Variants in GRIN3A observed in about 807,000 individuals in gnomAD.
GRIN3A encodes glutamate receptor ionotropic, NMDA 3A.
Under a neutral mutation model 92.4 loss-of-function variants are expected in GRIN3A, and 47 were observed. The ratio of observed to expected loss-of-function variants is 0.51; its 90% confidence interval spans 0.40 to 0.65. The LOEUF is 0.65. GRIN3A is among the 30% of genes least tolerant of loss of function. GRIN3A has a pLI of 0.00. For synonymous variants in GRIN3A, 527 were observed against 540.6 expected (o/e 0.97, Z 0.35); for missense variants, 1,324 against 1,393.1 (o/e 0.95, Z 0.79).
In GRIN3A at chr9:101,737,816, A is replaced by G. The variant is rs1830237209; in HGVS notation, c.164T>C (p.Leu55Ser). The change falls in exon 1 of 9, where the codon TTG (leucine) becomes TCG (serine). Residue 55 changes from leucine (L) to serine (S), a missense_variant. Transcript: ENST00000361820. ...GHAVRVGAVH[L>S]QPWTTAPRAA... ...GCGGGGGGCGGTGGTCCAGGGCTGC[A>G]AGTGCACCGCGCCCACCCTCACCGC... 6.5e-7 allele frequency: 1 copy of G among 1,532,050 alleles called. No individual in the cohort carries two copies. Among genetic ancestry groups the G allele is most frequent in the Admixed American group, 2.0e-5 (1 of 50,876 alleles). The allele number at this position is 1,532,050 out of a possible 1,614,324, so 94.9% of individuals were successfully genotyped here. A position where few individuals can be genotyped will look rare whatever the true frequency, so the allele number is the denominator to read the frequency against.
intron 1 of GRIN3A, among the ~76,000 whole-genome samples, chr9:101,724,148 G>C (rs1029894105): frequency 2.0e-4 from 30 of 151,760 alleles, no homozygotes; most frequent in African/African-American, 6.8e-4. Flanking sequence ...GATGGGACTG[G>C]GCGCCATGGA....
At chr9:101,711,207 G>A (rs1284909593) in intron 1 of GRIN3A, among the ~76,000 whole-genome samples, 1 of 152,144 alleles carries the variant, frequency 6.6e-6, no homozygotes, top group Non-Finnish European at 1.5e-5. Flanking sequence ...AGGACCATCT[G>A]CTTTGGGAGA....
intron 1 of GRIN3A, among the ~76,000 whole-genome samples, chr9:101,732,371 G>A (rs1830149632): frequency 6.6e-6 from 1 of 152,192 alleles, no homozygotes; most frequent in South Asian, 2.1e-4. Flanking sequence ...TATGAGCAAT[G>A]TGAAGGACCA....
chr9:101,606,436 A>G (rs1015813758), intron 6 of GRIN3A, among the ~76,000 whole-genome samples: 7 of 152,094 alleles, frequency 4.6e-5, no homozygotes, highest in Admixed American at 6.5e-5. Context: ...CCCCTGGTCA[A>G]ATGGCCAAGG....
chr9:101,595,407 T>C (rs1464849431), intron 6 of GRIN3A, among the ~76,000 whole-genome samples: 1 of 151,980 alleles, frequency 6.6e-6, no homozygotes, highest in African/African-American at 2.4e-5. Flanking sequence ...AGCACAGTGC[T>C]TCACAGGCAA....
rs755960662 is a variant in GRIN3A at position 101,579,378 on chromosome 9, A to G, written c.2767-18T>C. ...TGCAAAGTCTGTGACAGAATAGGAA[A>G]GAAAAGGCCATGAATACAATGATAT... On this transcript the variant is annotated intron_variant, in intron 6 of 8. Transcript: ENST00000361820. 6.2e-7 allele frequency: 1 copy of G among 1,613,502 alleles called. No homozygotes were observed. The highest frequency in any genetic ancestry group is 8.5e-7 in the Non-Finnish European group (1 of 1,179,542).
intron 6 of GRIN3A, among the ~76,000 whole-genome samples, chr9:101,596,194 C>T (rs60708287): frequency 0.048 from 7,292 of 152,242 alleles, 570 homozygotes; most frequent in African/African-American, 0.17. Context: ...CATGCTGGAA[C>T]TAGCAAAACT....
chr9:101,688,100 A>C (rs976593853), intron 1 of GRIN3A, among the ~76,000 whole-genome samples: 1 of 152,232 alleles, frequency 6.6e-6, no homozygotes, highest in African/African-American at 2.4e-5. Context: ...GGAATTAACT[A>C]TGTTTATTAT....
At chr9:101,668,007 GT>G (rs1829264471) in intron 3 of GRIN3A, among the ~76,000 whole-genome samples, 1 of 152,008 alleles carries the variant, frequency 6.6e-6, no homozygotes, top group Non-Finnish European at 1.5e-5. Flanking sequence ...ATTTAGGTTT[GT>G]CCCATTTCAT....
At chr9:101,650,015 C>T (rs2118914429) in intron 3 of GRIN3A, among the ~76,000 whole-genome samples, 1 of 152,154 alleles carries the variant, frequency 6.6e-6, no homozygotes, top group African/African-American at 2.4e-5. Flanking sequence ...AAATATGTGG[C>T]TAGCTGATGT....
Position 101,572,833 on chromosome 9 carries a change from G to T in GRIN3A, c.*341C>A, listed in dbSNP as rs905975181. On this transcript the variant is annotated 3_prime_UTR_variant, in exon 9 of 9. Coordinates refer to ENST00000361820, the MANE Select transcript of GRIN3A (RefSeq NM_133445.3). ...GTGAGTAACAATTTTATCTCTTGTT[G>T]GTAGTGCAGAGAAAGGGCTAAAAAC... 1.6e-5 allele frequency: 5 copies of T among 314,760 alleles called. No homozygotes were observed. The highest frequency in any genetic ancestry group is 3.1e-5 in the Non-Finnish European group (5 of 162,232). The allele number at this position is 314,760 out of a possible 1,614,324, so 19.5% of individuals were successfully genotyped here.
At chr9:101,697,285 A>G (rs1829696786) in intron 1 of GRIN3A, among the ~76,000 whole-genome samples, 1 of 152,210 alleles carries the variant, frequency 6.6e-6, no homozygotes, top group African/African-American at 2.4e-5. Context: ...ATACATCAGT[A>G]TAGTTAACTC....
At chr9:101,697,509 C>A (rs557568470) in intron 1 of GRIN3A, among the ~76,000 whole-genome samples, 98 of 152,148 alleles carry the variant, frequency 6.4e-4, no homozygotes, top group Middle Eastern at 3.4e-3. Context: ...AGCATTGTTA[C>A]GGAATAAGAA....
chr9:101,677,353 T>C (rs972253031), intron 2 of GRIN3A, among the ~76,000 whole-genome samples: 2 of 152,052 alleles, frequency 1.3e-5, no homozygotes, highest in African/African-American at 4.8e-5. Context: ...CTCTTTATTT[T>C]ATTTTATTTT....
At chr9:101,682,849 G>A (rs556291135) in intron 2 of GRIN3A, among the ~76,000 whole-genome samples, 1 of 152,296 alleles carries the variant, frequency 6.6e-6, no homozygotes, top group African/African-American at 2.4e-5. Context: ...AGGCGTGGTG[G>A]CGGGCGCCTG....
intron 1 of GRIN3A, among the ~76,000 whole-genome samples, chr9:101,737,038 C>T (rs933768718): frequency 6.6e-6 from 1 of 152,146 alleles, no homozygotes; most frequent in Non-Finnish European, 1.5e-5. Context: ...CTCCCCACTT[C>T]TTTCCTTCCA....
intron 4 of GRIN3A, among the ~76,000 whole-genome samples, chr9:101,625,076 A>G (rs528798781): frequency 2.2e-4 from 33 of 152,280 alleles, no homozygotes; most frequent in African/African-American, 7.7e-4. Flanking sequence ...CTCCCCAGTT[A>G]AAGTGTAAGT....
chr9:101,638,379 C>A (rs575170806), intron 3 of GRIN3A, among the ~76,000 whole-genome samples: 1 of 152,316 alleles, frequency 6.6e-6, no homozygotes, highest in African/African-American at 2.4e-5. Flanking sequence ...TCTTCTATGA[C>A]CCTGGCCTCC....
intron 1 of GRIN3A, among the ~76,000 whole-genome samples, chr9:101,726,764 T>G (rs1309493705): frequency 6.6e-6 from 1 of 151,570 alleles, no homozygotes; most frequent in Non-Finnish European, 1.5e-5. Context: ...TTTAAAAAGT[T>G]TTTTATTTTT....
Sources: gnomAD v4.1 joint callset for allele counts (sites outside exome capture counted in the v4.1 genomes callset) on GRCh38, gnomAD v4.1.1 for gene constraint, MANE v1.5 for transcripts, NCBI Gene and HGNC (gene_info 2026-07-23, HGNC 2026-07-21) for gene names.